ZNF217: variants seen among roughly 807,000 people sequenced by gnomAD.
ZNF217 encodes zinc finger protein 217.
Under a neutral mutation model 73.3 loss-of-function variants are expected in ZNF217, and 12 were observed. The ratio of observed to expected loss-of-function variants is 0.16; its 90% CI spans 0.10 to 0.27. The LOEUF (loss-of-function observed/expected upper bound fraction) is 0.27. Among genes scored for constraint, ZNF217 ranks in the 10% least tolerant of loss-of-function variants. ZNF217 has a pLI of 1.00. For synonymous variants in ZNF217, 588 were observed against 516.4 expected (o/e 1.14, Z -1.88); for missense variants, 1,195 against 1,327.8 (o/e 0.90, Z 1.55).
rs1262623765 is a variant in ZNF217, at chr20:53,578,416, A to G, written c.1401T>C (p.Leu467=). 3 of 1,577,980 alleles carry G rather than the reference A, an allele frequency of 1.9e-6. No homozygotes were observed. Among genetic ancestry groups the G allele is most frequent in the Admixed American group, 3.9e-5 (2 of 51,222 alleles). The part of the protein sequence containing the change: ...KNDDGGKIKH[L]TSSRECSYCG... Reference sequence around the variant, plus strand: ...AATAACTACACTCTCTTGAAGATGTAAGATGTTTTATTTTTCCTCCATCAT... The same window carrying G: ...AATAACTACACTCTCTTGAAGATGTGAGATGTTTTATTTTTCCTCCATCAT... The change falls in exon 3 of 6, where the codon CTT becomes CTC. Residue 467 remains leucine (L), a synonymous_variant. Transcript: ENST00000371471.
At chr20:53,595,369 C>A (rs554849708), upstream of ZNF217, among the ~76,000 whole-genome samples, 1 of 152,292 alleles carries the variant, frequency 6.6e-6, no homozygotes, top group East Asian at 1.9e-4. Flanking sequence ...CTTTAAAACA[C>A]ATCAAGAAAA....
Position 53,581,984 on chromosome 20 carries a change from C to G in ZNF217, c.843G>C (p.Lys281Asn). 3.7e-6 allele frequency: 6 copies of G among 1,614,202 alleles called. No individual in the cohort carries two copies. The highest frequency in any genetic ancestry group is 5.1e-6 in the Non-Finnish European group (6 of 1,180,036). ...LRPKSHPETGKKPVRCIPQLD... is the reference protein window; with the variant it reads ...LRPKSHPETGNKPVRCIPQLD... ...GCTGAGGGATGCATCTGACAGGCTT[C>G]TTCCCCGTTTCAGGGTGAGATTTTG... The change falls in exon 2 of 6, where the codon AAG (lysine) becomes AAC (asparagine). Residue 281 changes from lysine (K) to asparagine (N), a missense_variant. Transcript: ENST00000371471. This position sits in a 1 kb window ranked among gnomAD's most constrained non-coding sequence, Gnocchi z 4.9.
At position 53,581,312 on chromosome 20, in the gene ZNF217, G is replaced by T; in HGVS notation, c.1366+149C>A. On this transcript the variant is annotated intron_variant, in intron 2 of 5. Coordinates refer to ENST00000371471, the MANE Select transcript of ZNF217 (RefSeq NM_006526.3). The surrounding 1 kb of genome is among the most constrained non-coding windows in gnomAD (Gnocchi z 4.9). The stretch of plus-strand genomic sequence containing the variant: ...CCTGAGAGGTTAAATGACTTACACA[G>T]AGTGATACCAAAAAGAGCCTGGACT... 9.1e-7 allele frequency: 1 copy of T among 1,100,660 alleles called. No individual in the cohort carries two copies. Among genetic ancestry groups the T allele is most frequent in the Non-Finnish European group, 1.3e-6 (1 of 789,962 alleles). 68.2% of individuals were successfully genotyped at this position (1,100,660 alleles called of 1,614,324 possible). A position where few individuals can be genotyped will look rare whatever the true frequency, so the allele number is the denominator to read the frequency against.
At chr20:53,571,906 T>C in intron 4 of ZNF217, 53 bp from the exon 5 acceptor site, 1 of 1,538,844 alleles carries the variant, frequency 6.5e-7, no homozygotes, top group Non-Finnish European at 8.7e-7. Context: ...TTAGGTAAGA[T>C]GTGTATAGGT....
intron 2 of ZNF217, among the ~76,000 whole-genome samples, chr20:53,578,674 G>A (rs1261148600): frequency 1.3e-5 from 2 of 152,112 alleles, no homozygotes; most frequent in Non-Finnish European, 2.9e-5. Flanking sequence ...TTTTTTCTGG[G>A]TACAGCAGAG....
rs1386333730 is a variant in ZNF217, at chr20:53,593,774, G to C, written c.-361C>G. On this transcript the variant is annotated 5_prime_UTR_variant, in exon 1 of 6. Coordinates refer to ENST00000371471, the MANE Select transcript of ZNF217 (RefSeq NM_006526.3). ...CCTTTACCTGCGGCTCCGGCTCCTC[G>C]GCCATTTCCTCGCGCGGCGGCGGCC... The C allele has an allele frequency of 6.6e-6, 1 of 150,670 alleles. No homozygotes were observed. Among genetic ancestry groups the C allele is most frequent in the Admixed American group, 6.6e-5 (1 of 15,172 alleles). 9.3% of individuals were successfully genotyped at this position (150,670 alleles called of 1,614,324 possible).
rs760951828 is a variant in ZNF217, at chr20:53,581,725, G to T, written c.1102C>A (p.Pro368Thr). ...APSVDADPKL[P>T]SSKEKPTHCS... ...TGAGTGGGCTTCTCCTTGCTACTGG[G>T]TAACTTGGGATCCGCGTCCACGGAG... is the stretch of plus-strand genomic sequence containing the variant. The change falls in exon 2 of 6, where the codon CCC becomes ACC. Residue 368 changes from proline (P) to threonine (T), a missense_variant. By Grantham distance (38) the Pro-to-Thr change is conservative (BLOSUM62 -1). Around this residue, in one of 9 missense-constraint regions of ZNF217, gnomAD observed 102 missense variants for 91.9 expected, o/e 1.11. Transcript: ENST00000371471. This position sits in a 1 kb window ranked among gnomAD's most constrained non-coding sequence, Gnocchi z 4.9. 6.2e-7 allele frequency: 1 copy of T among 1,614,266 alleles called. No homozygotes were observed. Among genetic ancestry groups the T allele is most frequent in the South Asian group, 1.1e-5 (1 of 91,092 alleles).
rs762556904 is a variant in ZNF217 at position 53,575,870 on chromosome 20, G to A, written c.2894C>T (p.Ala965Val). ...LPQDCVYPSQALPPKPRFLSS... is the reference protein window; with the variant it reads ...LPQDCVYPSQVLPPKPRFLSS... The stretch of plus-strand genomic sequence containing the variant: ...CAGGAACCTTGGTTTGGGAGGCAGC[G>A]CCTGCGACGGATACACACAGTCCTG... The change falls in exon 4 of 6, where the codon GCG becomes GTG. Residue 965 changes from alanine (A) to valine (V), a missense_variant. By Grantham distance (64) the Ala-to-Val change is moderately conservative. Coordinates refer to ENST00000371471, the MANE Select transcript of ZNF217 (RefSeq NM_006526.3). 6.8e-6 allele frequency: 11 copies of A among 1,614,206 alleles called. No individual in the cohort carries two copies. Among genetic ancestry groups the A allele is most frequent in the Admixed American group, 1.7e-5 (1 of 60,022 alleles).
chr20:53,578,325 G>C lies in ZNF217; in HGVS notation c.1483+9C>G. 6.5e-7 allele frequency: 1 copy of C among 1,542,956 alleles called. No homozygotes were observed. Among genetic ancestry groups the C allele is most frequent in the East Asian group, 2.3e-5 (1 of 42,848 alleles). On this transcript the variant is annotated intron_variant, in intron 3 of 5. Transcript: ENST00000371471. ...CTAATGCATGGTTAAAAAAATAAAAGTTCTTTACCTGTATGCGTTCTGAGA... is the reference window on the plus strand; with the variant it reads ...CTAATGCATGGTTAAAAAAATAAAACTTCTTTACCTGTATGCGTTCTGAGA...
At chr20:53,592,390 G>C (rs1988907903) in intron 1 of ZNF217, among the ~76,000 whole-genome samples, 2 of 151,986 alleles carry the variant, frequency 1.3e-5, no homozygotes, top group Admixed American at 6.6e-5. Context: ...TGGGGGGTGG[G>C]GGGAAAGAAA....
chr20:53,581,880 G>A lies in ZNF217; in HGVS notation c.947C>T (p.Ser316Leu), dbSNP rs370070088. The A allele has an allele frequency of 1.2e-5, 19 of 1,614,182 alleles. No homozygotes were observed. The highest frequency in any genetic ancestry group is 5.0e-5 in the Admixed American group (3 of 60,024). Residue 316 changes from serine to leucine, a missense_variant, in exon 2 of 6, where the codon TCG (serine) becomes TTG (leucine). Coordinates refer to ENST00000371471, the MANE Select transcript of ZNF217 (RefSeq NM_006526.3). This position sits in a 1 kb window ranked among gnomAD's most constrained non-coding sequence, Gnocchi z 4.9. ...KVAICQEVKE[S>L]GQEGSTDNDD... ...GTTGTCGGTGCTCCCTTCTTGCCCC[G>A]ATTCCTTCACTTCTTGGCAAATGGC...
chr20:53,572,167 T>C (rs772914938), intron 4 of ZNF217, among the ~76,000 whole-genome samples: 3 of 152,182 alleles, frequency 2.0e-5, no homozygotes, highest in Non-Finnish European at 4.4e-5. Context: ...TGTAAAAGTG[T>C]TGTTTTTTGC....
At position 53,576,403 on chromosome 20, in the gene ZNF217, C is replaced by G. The variant is rs754387762; in HGVS notation, c.2361G>C (p.Leu787=). 1.9e-6 allele frequency: 3 copies of G among 1,614,192 alleles called. No homozygotes were observed. Among genetic ancestry groups the G allele is most frequent in the Non-Finnish European group, 2.5e-6 (3 of 1,180,026 alleles). The change falls in exon 4 of 6, where the codon CTG becomes CTC. Residue 787 remains leucine, a synonymous_variant. Coordinates refer to ENST00000371471, the MANE Select transcript of ZNF217 (RefSeq NM_006526.3). ...GGCTCTGCTTCCCCTTCGCAGATGG[C>G]AGGGATTTGGACTGCGCCGGGAAAG... is the stretch of plus-strand genomic sequence containing the variant. The part of the protein sequence containing the change: ...KSAFPAQSKS[L]PSAKGKQSPP...
chr20:53,578,304 T>G, intron 3 of ZNF217, 30 bp downstream of exon 3: 1 of 1,432,972 alleles, frequency 7.0e-7, no homozygotes, highest in Non-Finnish European at 9.6e-7. Flanking sequence ...ATTTAACTAA[T>G]GCATGGTTAA....
In ZNF217 at chr20:53,577,005, G is replaced by A. The variant is rs1416094506; in HGVS notation, c.1759C>T (p.Leu587=). 1.4e-5 allele frequency: 22 copies of A among 1,614,072 alleles called. No homozygotes were observed. The highest frequency in any genetic ancestry group is 5.3e-5 in the African/African-American group (4 of 74,930). The part of the protein sequence containing the change: ...KEMPSVFQNV[L]GSAVLSPAHK... The stretch of plus-strand genomic sequence containing the variant: ...GCTGGTGAGAGGACAGCGCTGCCCA[G>A]AACATTCTGAAAAACAGAAGGCATC... The change falls in exon 4 of 6, where the codon CTG becomes TTG. Residue 587 remains leucine (L), a synonymous_variant. Transcript: ENST00000371471.
rs775834616 is a variant in ZNF217, at chr20:53,577,012, C to A, written c.1752G>T (p.Gln584His). 2 of 1,614,224 alleles carry A rather than the reference C, an allele frequency of 1.2e-6. No individual in the cohort carries two copies. The highest frequency in any genetic ancestry group is 1.7e-6 in the Non-Finnish European group (2 of 1,180,048). ...KQLKEMPSVF[Q>H]NVLGSAVLSP... The stretch of plus-strand genomic sequence containing the variant: ...AGAGGACAGCGCTGCCCAGAACATT[C>A]TGAAAAACAGAAGGCATCTCCTTAA... Residue 584 changes from glutamine (Q) to histidine (H), a missense_variant, in exon 4 of 6, where the codon CAG becomes CAT. Transcript: ENST00000371471.
rs767679210 is a variant in ZNF217 at position 53,576,209 on chromosome 20, T to G, written c.2555A>C (p.Asp852Ala). 1 of 1,614,250 alleles carries G rather than the reference T, an allele frequency of 6.2e-7. No individual in the cohort carries two copies. Among genetic ancestry groups the G allele is most frequent in the Middle Eastern group, 1.6e-4 (1 of 6,062 alleles). Reference protein sequence around the residue: ...FPKTSVSPAPDKTKRPETKLK... With the variant: ...FPKTSVSPAPAKTKRPETKLK... ...TTTTGTCTCGGGTCTTTTTGTCTTA[T>G]CCGGTGCAGGGGAAACACTGGTTTT... The change falls in exon 4 of 6, where the codon GAT becomes GCT. Residue 852 changes from aspartate (D) to alanine (A), a missense_variant. By Grantham distance (126) the Asp-to-Ala change is moderately radical. Coordinates refer to ENST00000371471, the MANE Select transcript of ZNF217 (RefSeq NM_006526.3).
chr20:53,579,705 CTTTACAGTTA>C (rs1462607749), intron 2 of ZNF217, among the ~76,000 whole-genome samples: 1 of 152,194 alleles, frequency 6.6e-6, no homozygotes, highest in Non-Finnish European at 1.5e-5. Flanking sequence ...TCACCTCTGA[CTTTACAGTTA>C]TATTTTTTAA....
chr20:53,576,076 T>C lies in ZNF217; in HGVS notation c.2688A>G (p.Gly896=). 6.2e-7 allele frequency: 1 copy of C among 1,614,190 alleles called. No homozygotes were observed. Residue 896 remains glycine (G), a synonymous_variant, in exon 4 of 6, where the codon GGA becomes GGG. Coordinates refer to ENST00000371471, the MANE Select transcript of ZNF217 (RefSeq NM_006526.3). ...AKNDSPWAPP[G]RDYFCNRSAS... is the part of the protein sequence containing the mutation. ...CACTCCGATTACAGAAATAGTCTCT[T>C]CCCGGAGGTGCCCACGGGCTGTCGT...
Sources: gnomAD v4.1 joint callset for allele counts (sites outside exome capture counted in the v4.1 genomes callset) on GRCh38, gnomAD v4.1.1 for gene constraint, gnomAD v4.1.1 regional missense constraint, Gnocchi (gnomAD v3.1) non-coding constraint, MANE v1.5 for transcripts, NCBI Gene and HGNC (gene_info 2026-07-23, HGNC 2026-07-21) for gene names.